GPC5: variants seen among roughly 807,000 people sequenced by gnomAD.
The protein encoded by GPC5 is glypican 5.
GPC5 carries 47 observed loss-of-function variants against 53.9 expected under a neutral mutation model. The ratio of observed to expected loss-of-function variants is 0.87; its 90% CI spans 0.69 to 1.11. The LOEUF is 1.11. Ranked by LOEUF, GPC5 falls within the 50% of genes most tolerant of loss-of-function variation. The probability of loss-of-function intolerance (pLI) is 0.00; values close to 1 mark genes in which losing one functional copy is unlikely to be tolerated. For missense variants in GPC5, 748 were observed against 713.1 expected, an observed-to-expected ratio of 1.05 and a Z score of -0.56; for synonymous variants, 286 against 263.3, an observed-to-expected ratio of 1.09 and a Z score of -0.84.
intron 4 of GPC5, among the ~76,000 whole-genome samples, chr13:91,734,417 ATGTCCCAATGTGAGACAGAT>A (rs1437507095): frequency 6.6e-6 from 1 of 150,512 alleles, no homozygotes; most frequent in Non-Finnish European, 1.5e-5. Context: ...TGTGGACTGA[ATGTCCCAATGTGAGACAGAT>A]TGAGCCTAAA....
intron 7 of GPC5, among the ~76,000 whole-genome samples, chr13:92,356,319 G>A (rs2043522157): frequency 6.6e-6 from 1 of 152,078 alleles, no homozygotes; most frequent in Non-Finnish European, 1.5e-5. Context: ...AGACCAAGTG[G>A]GCATTGTCGG....
chr13:92,508,340 G>T (rs1305579219), intron 7 of GPC5, among the ~76,000 whole-genome samples: 1 of 152,160 alleles, frequency 6.6e-6, no homozygotes, highest in Admixed American at 6.5e-5. Flanking sequence ...TATTAGACAA[G>T]TAGATAGGAA....
chr13:91,786,634 T>A (rs2037884166), intron 5 of GPC5, among the ~76,000 whole-genome samples: 1 of 152,226 alleles, frequency 6.6e-6, no homozygotes, highest in African/African-American at 2.4e-5. Flanking sequence ...ACCATACCAA[T>A]GGTCATAAAT....
chr13:91,722,404 T>A (rs1459136905), intron 3 of GPC5, among the ~76,000 whole-genome samples: 1 of 152,244 alleles, frequency 6.6e-6, no homozygotes, highest in Admixed American at 6.5e-5. Flanking sequence ...TGGATTTTCC[T>A]TTAAGAGCCT....
intron 7 of GPC5, among the ~76,000 whole-genome samples, chr13:92,483,026 T>C (rs1879416272): frequency 1.3e-5 from 2 of 152,116 alleles, no homozygotes; most frequent in African/African-American, 4.8e-5. Context: ...AGGAGAAGCT[T>C]GTGCAGGGGA....
At chr13:91,868,049 CTGTTAAATTGAAAT>C (rs1169235703) in intron 5 of GPC5, among the ~76,000 whole-genome samples, 3 of 152,034 alleles carry the variant, frequency 2.0e-5, no homozygotes, top group Admixed American at 2.0e-4. Context: ...TGTGTTTAAA[CTGTTAAATTGAAAT>C]CATATTATTC....
At chr13:92,103,913 A>T (rs748805126) in intron 6 of GPC5, among the ~76,000 whole-genome samples, 3 of 152,138 alleles carry the variant, frequency 2.0e-5, no homozygotes, top group Non-Finnish European at 2.9e-5. Context: ...GGCTTTTCAA[A>T]GCCCCACATG....
At chr13:91,488,160 G>C (rs760846174) in intron 2 of GPC5, among the ~76,000 whole-genome samples, 1 of 152,022 alleles carries the variant, frequency 6.6e-6, no homozygotes, top group African/African-American at 2.4e-5. Context: ...TGGCATATAT[G>C]GTCATGATGA....
At chr13:92,185,787 G>A (rs1305116182) in intron 7 of GPC5, among the ~76,000 whole-genome samples, 2 of 152,068 alleles carry the variant, frequency 1.3e-5, no homozygotes, top group Non-Finnish European at 2.9e-5. Context: ...ATTAGAATAT[G>A]TTGATTGATT....
intron 6 of GPC5, among the ~76,000 whole-genome samples, chr13:91,998,465 TC>T (rs1251191965): frequency 2.0e-5 from 3 of 152,188 alleles, no homozygotes; most frequent in African/African-American, 7.2e-5. Flanking sequence ...AATCTGCAAT[TC>T]ATAATGTAAG....
chr13:92,481,501 A>G (rs1257189855), intron 7 of GPC5, among the ~76,000 whole-genome samples: 3 of 152,202 alleles, frequency 2.0e-5, no homozygotes, highest in African/African-American at 7.2e-5. Flanking sequence ...GAGTTGGGCC[A>G]GTTGAGTTTG....
chr13:92,184,025 T>C (rs1801545348), intron 7 of GPC5, among the ~76,000 whole-genome samples: 1 of 152,120 alleles, frequency 6.6e-6, no homozygotes, highest in African/African-American at 2.4e-5. Context: ...AATTTTATAT[T>C]GTCTGCTAGA....
intron 7 of GPC5, among the ~76,000 whole-genome samples, chr13:92,614,125 C>G (rs1383950672): frequency 2.0e-5 from 3 of 152,140 alleles, no homozygotes; most frequent in African/African-American, 4.8e-5. Flanking sequence ...CCTATCAACT[C>G]TCACTCACCA....
intron 2 of GPC5, among the ~76,000 whole-genome samples, chr13:91,610,370 C>T (rs770861326): frequency 1.8e-4 from 27 of 151,986 alleles, no homozygotes; most frequent in African/African-American, 2.7e-4. Context: ...TTTTTATTAC[C>T]GTACATTTTT....
intron 7 of GPC5, among the ~76,000 whole-genome samples, chr13:92,819,556 A>G (rs1223932792): frequency 6.6e-6 from 1 of 152,210 alleles, no homozygotes; most frequent in Non-Finnish European, 1.5e-5. Context: ...TAGTCTGTGT[A>G]TCTAAATTAC....
chr13:92,515,349 A>G (rs191513082), intron 7 of GPC5, among the ~76,000 whole-genome samples: 1 of 152,300 alleles, frequency 6.6e-6, no homozygotes, highest in East Asian at 1.9e-4. Flanking sequence ...GAAAGGGAGT[A>G]AAGATACCTG....
chr13:91,967,099 A>G (rs2040188221), intron 6 of GPC5, among the ~76,000 whole-genome samples: 1 of 152,222 alleles, frequency 6.6e-6, no homozygotes, highest in Non-Finnish European at 1.5e-5. Flanking sequence ...AGGCCTCATA[A>G]TCATGGCAGA....
intron 2 of GPC5, among the ~76,000 whole-genome samples, chr13:91,548,390 G>T (rs1042886911): frequency 2.0e-5 from 3 of 152,022 alleles, no homozygotes; most frequent in Admixed American, 2.0e-4. Flanking sequence ...GAAATACTTA[G>T]ATAAAAATCT....
At chr13:92,605,998 A>C (rs374665109) in intron 7 of GPC5, among the ~76,000 whole-genome samples, 3 of 152,208 alleles carry the variant, frequency 2.0e-5, no homozygotes, top group Non-Finnish European at 4.4e-5. Flanking sequence ...AAAAATTTTC[A>C]AAGCTATTTT....
Sources: allele counts gnomAD v4.1 joint callset (sites outside exome capture counted in the v4.1 genomes callset), GRCh38; gene constraint gnomAD v4.1.1; transcripts MANE v1.5; gene names NCBI Gene and HGNC (gene_info 2026-07-23, HGNC 2026-07-21).